The following ARNT2 variants were observed in gnomAD, a reference collection of about 807,000 sequenced individuals.
ARNT2 encodes the protein aryl hydrocarbon receptor nuclear translocator 2, also known as ARNT protein 2.
Under a neutral mutation model 91.7 loss-of-function variants are expected in ARNT2, and 36 were observed. The ratio of observed to expected loss-of-function variants is 0.39; its 90% CI spans 0.30 to 0.52. ARNT2 has a LOEUF of 0.52. Among genes scored for constraint, ARNT2 ranks in the 20% least tolerant of loss-of-function variants. The pLI, the probability that ARNT2 is intolerant of heterozygous loss-of-function variation, is 0.72. For synonymous variants in ARNT2, 365 were observed against 347.1 expected (o/e 1.05, Z -0.57); for missense variants, 775 against 939.3 (o/e 0.83, Z 2.29).
At chr15:80,528,130 T>A (rs1384958504) in intron 8 of ARNT2, among the ~76,000 whole-genome samples, 1 of 150,966 alleles carries the variant, frequency 6.6e-6, no homozygotes, top group East Asian at 1.9e-4. Context: ...TGGGGAGGGG[T>A]GTGGAGAGTT....
At chr15:80,452,807 G>T (rs1896419128) in intron 2 of ARNT2, among the ~76,000 whole-genome samples, 1 of 152,146 alleles carries the variant, frequency 6.6e-6, no homozygotes, top group Non-Finnish European at 1.5e-5. Flanking sequence ...CCTCCCGTAG[G>T]GCCTGGGCTG....
chr15:80,566,004 G>A (rs1430900727), intron 12 of ARNT2, among the ~76,000 whole-genome samples: 2 of 152,124 alleles, frequency 1.3e-5, no homozygotes, highest in Admixed American at 6.5e-5. Flanking sequence ...ATGACAGAAC[G>A]TACTGGCCCA....
intron 1 of ARNT2, among the ~76,000 whole-genome samples, chr15:80,405,828 C>T (rs1321461837): frequency 1.3e-5 from 2 of 151,788 alleles, no homozygotes; most frequent in Admixed American, 1.3e-4. Flanking sequence ...CTTTCTCTCT[C>T]CACATTAAGG....
At chr15:80,510,349 A>G (rs1897324344) in intron 6 of ARNT2, among the ~76,000 whole-genome samples, 2 of 152,174 alleles carry the variant, frequency 1.3e-5, no homozygotes, top group African/African-American at 4.8e-5. Context: ...ACAAATTTAC[A>G]ATAAAAAAAC....
chr15:80,437,130 G>T (rs1595961304), intron 1 of ARNT2, among the ~76,000 whole-genome samples: 1 of 152,012 alleles, frequency 6.6e-6, no homozygotes, highest in East Asian at 1.9e-4. Flanking sequence ...ACTGTGCCAT[G>T]GAATAACCTC....
intron 1 of ARNT2, among the ~76,000 whole-genome samples, chr15:80,428,840 A>G (rs1013283313): frequency 6.6e-6 from 1 of 152,190 alleles, no homozygotes; most frequent in Admixed American, 6.5e-5. Context: ...GAAATAGACA[A>G]ATATAATTTT....
At chr15:80,526,638 G>A (rs117702382) in intron 8 of ARNT2, among the ~76,000 whole-genome samples, 2,214 of 152,264 alleles carry the variant, frequency 0.015, 20 homozygotes, top group East Asian at 0.063. Context: ...GAGGAGGTTC[G>A]GGTGTTGGCT....
intron 2 of ARNT2, among the ~76,000 whole-genome samples, chr15:80,451,481 G>C (rs937338675): frequency 1.3e-5 from 2 of 152,242 alleles, no homozygotes; most frequent in African/African-American, 4.8e-5. Context: ...CTCTGCTGGT[G>C]AAGGTGGTAA....
At chr15:80,471,621 G>A (rs1462224892) in intron 4 of ARNT2, among the ~76,000 whole-genome samples, 1 of 152,198 alleles carries the variant, frequency 6.6e-6, no homozygotes, top group Non-Finnish European at 1.5e-5. Flanking sequence ...TTTGCTGGGT[G>A]CCTGGTGTGA....
At chr15:80,586,957 T>C (rs1893184210) in intron 17 of ARNT2, among the ~76,000 whole-genome samples, 1 of 152,176 alleles carries the variant, frequency 6.6e-6, no homozygotes. Context: ...CAGTAGGATT[T>C]TGCTGATCTG....
intron 5 of ARNT2, among the ~76,000 whole-genome samples, chr15:80,500,375 T>C (rs1398647448): frequency 6.6e-6 from 1 of 152,240 alleles, no homozygotes; most frequent in Non-Finnish European, 1.5e-5. Flanking sequence ...TTCCTAATTA[T>C]TTTCTCTTGT....
At chr15:80,514,182 C>A in intron 7 of ARNT2, 138 bp from the exon 8 acceptor site, 1 of 1,006,204 alleles carries the variant, frequency 9.9e-7, no homozygotes, top group Non-Finnish European at 1.5e-6. Context: ...GAGGAAGGAA[C>A]ACAGGATGGT....
intron 1 of ARNT2, among the ~76,000 whole-genome samples, chr15:80,431,801 T>G (rs78321672): frequency 0.029 from 4,444 of 152,282 alleles, 217 homozygotes; most frequent in African/African-American, 0.1. Context: ...GGGTGGGCTT[T>G]GTTCCTCCAG....
chr15:80,593,839 A>T lies in ARNT2; in HGVS notation c.*141A>T. On this transcript the variant is annotated 3_prime_UTR_variant, in exon 19 of 19. Coordinates refer to ENST00000303329, the MANE Select transcript of ARNT2 (RefSeq NM_014862.4). ...GCCATCTCCCCCGCTGTGTGTCCCC[A>T]GGCGCATCATTGCTCCACTCTCCCC... is the stretch of plus-strand genomic sequence containing the variant. The T allele has an allele frequency of 2.7e-6, 2 of 745,916 alleles. No individual in the cohort carries two copies. The highest frequency in any genetic ancestry group is 2.2e-6 in the Non-Finnish European group (1 of 455,342). 46.2% of individuals were successfully genotyped at this position (745,916 alleles called of 1,614,324 possible).
intron 2 of ARNT2, among the ~76,000 whole-genome samples, chr15:80,454,154 AGT>A (rs1424733496): frequency 1.3e-5 from 2 of 152,150 alleles, no homozygotes; most frequent in Non-Finnish European, 2.9e-5. Flanking sequence ...TTCTTTCAAA[AGT>A]GATTCCACAT....
At chr15:80,581,203 G>T (rs1315547245) in intron 16 of ARNT2, 36 bp from the exon 17 acceptor site, 4 of 1,609,466 alleles carry the variant, frequency 2.5e-6, no homozygotes, top group Non-Finnish European at 3.4e-6. Flanking sequence ...GTCTGCTGGT[G>T]ATGCTTTCCA....
At chr15:80,567,389 C>T (rs1199128520) in intron 12 of ARNT2, among the ~76,000 whole-genome samples, 1 of 152,210 alleles carries the variant, frequency 6.6e-6, no homozygotes, top group Non-Finnish European at 1.5e-5. Context: ...TACCTCCTGT[C>T]ATGGCCCCTT....
chr15:80,447,620 C>T (rs1323936463), intron 1 of ARNT2, among the ~76,000 whole-genome samples: 3 of 152,196 alleles, frequency 2.0e-5, no homozygotes, highest in African/African-American at 7.2e-5. Flanking sequence ...CTTGCTTCGA[C>T]TTGAGTCACA....
intron 1 of ARNT2, chr15:80,442,750 G>A (rs1004925289): frequency 1.9e-5 from 14 of 740,856 alleles, no homozygotes; most frequent in Non-Finnish European, 2.0e-5. Context: ...CTCCTGTATT[G>A]AGCATGTGTG....
Sources: gnomAD v4.1 joint callset for allele counts (sites outside exome capture counted in the v4.1 genomes callset) on GRCh38, gnomAD v4.1.1 for gene constraint, MANE v1.5 for transcripts, NCBI Gene and HGNC (gene_info 2026-07-23, HGNC 2026-07-21) for gene names.